The following CEP162 variants were observed in gnomAD, a reference collection of about 807,000 sequenced individuals.
CEP162 encodes centrosomal protein of 162 kDa.
Under a neutral mutation model 169.2 loss-of-function variants are expected in CEP162, and 141 were observed. The observed-to-expected ratio is 0.83, with a 90% CI of 0.73 to 0.96. CEP162 has a LOEUF of 0.96. Ranked by LOEUF, CEP162 falls within the 40% of genes least tolerant of loss-of-function variation. CEP162 has a pLI of 0.00. For missense variants in CEP162, 1,600 were observed against 1,587.2 expected (o/e 1.01, Z -0.14); for synonymous variants, 540 against 526.4 (o/e 1.03, Z -0.35).
chr6:84,155,625 T>C, intron 21 of CEP162, 115 bp from the exon 22 acceptor site: 1 of 682,198 alleles, frequency 1.5e-6, no homozygotes. Context: ...TATATACCAA[T>C]AACAATCTTG....
At chr6:84,178,807 C>G (rs558050179) in intron 13 of CEP162, among the ~76,000 whole-genome samples, 4 of 152,070 alleles carry the variant, frequency 2.6e-5, no homozygotes, top group African/African-American at 9.7e-5. Context: ...TATACCTCCC[C>G]GCTCCCCCCA....
At chr6:84,212,628 TGAAAA>T (rs1330595992) in intron 6 of CEP162, among the ~76,000 whole-genome samples, 1 of 151,584 alleles carries the variant, frequency 6.6e-6, no homozygotes, top group East Asian at 1.9e-4. Flanking sequence ...AACAAGAAGA[TGAAAA>T]GAAAACAAAT....
chr6:84,171,604 ACT>A lies in CEP162; in HGVS notation c.2279_2279+1del. ...GATTTTAAGAAGTTCAAAAGGACTT[ACT>A]TTAAGGAAGCTACCTCACTGAATAA... On this transcript the variant is annotated splice_donor_variant and coding_sequence_variant, in exon 17 of 27. Coordinates refer to ENST00000403245, the MANE Select transcript of CEP162 (RefSeq NM_014895.4). LOFTEE classifies it high-confidence loss of function. The A allele has an allele frequency of 7.6e-7, 1 of 1,324,344 alleles. No homozygotes were observed. Among genetic ancestry groups the A allele is most frequent in the South Asian group, 1.5e-5 (1 of 65,046 alleles). 82.0% of individuals were successfully genotyped at this position (1,324,344 alleles called of 1,614,324 possible).
chr6:84,178,929 C>A (rs985655593), intron 13 of CEP162, among the ~76,000 whole-genome samples: 9 of 152,098 alleles, frequency 5.9e-5, no homozygotes, highest in African/African-American at 1.7e-4. Context: ...TTTGTCCTTG[C>A]GATAGTTTGC....
chr6:84,175,348 C>T lies in CEP162; in HGVS notation c.1664-1G>A, dbSNP rs975225658. The stretch of plus-strand genomic sequence containing the variant: ...ATGAGTTTTGTTCCAGATAAGATTT[C>T]TAAATATTATAAACAATGTATAAAT... On this transcript the variant is annotated splice_acceptor_variant, in intron 13 of 26. Coordinates refer to ENST00000403245, the MANE Select transcript of CEP162 (RefSeq NM_014895.4). LOFTEE classifies it high-confidence loss of function. The T allele has an allele frequency of 1.4e-5, 22 of 1,532,288 alleles. No homozygotes were observed. Among genetic ancestry groups the T allele is most frequent in the Non-Finnish European group, 1.8e-5 (21 of 1,135,898 alleles). 94.9% of individuals were successfully genotyped at this position (1,532,288 alleles called of 1,614,324 possible).
intron 3 of CEP162, among the ~76,000 whole-genome samples, chr6:84,220,191 T>C (rs891885620): frequency 6.6e-6 from 1 of 152,152 alleles, no homozygotes; most frequent in Non-Finnish European, 1.5e-5. Context: ...CAAAAGCCCA[T>C]ATGTATATTT....
intron 26 of CEP162, 102 bp downstream of exon 26, chr6:84,126,276 C>T (rs2099508903): frequency 1.1e-5 from 8 of 739,558 alleles, no homozygotes; most frequent in Admixed American, 3.9e-5. Context: ...ACACTGGAAA[C>T]ACTTTAAGTG....
chr6:84,208,307 A>C (rs1157466808), intron 6 of CEP162, among the ~76,000 whole-genome samples: 2 of 152,216 alleles, frequency 1.3e-5, no homozygotes, highest in South Asian at 4.1e-4. Flanking sequence ...ACTTGCTCAC[A>C]GTATTAATTT....
chr6:84,154,326 A>ATCTG (rs201436483), intron 22 of CEP162, among the ~76,000 whole-genome samples: 2,724 of 147,812 alleles, frequency 0.018, 77 homozygotes, highest in African/African-American at 0.067. Flanking sequence ...CTATCTATCT[A>ATCTG]TCTATCTGTC....
At position 84,157,257 on chromosome 6, in the gene CEP162, C is replaced by T. The variant is rs529609238; in HGVS notation, c.2782-1747G>A. ...GCATGTCTCCAGATTGAATCGAATG[C>T]ACAGAAGCACAAATTAATTTCACAT... On this transcript the variant is annotated intron_variant, in intron 21 of 26. Coordinates refer to ENST00000403245, the MANE Select transcript of CEP162 (RefSeq NM_014895.4). Among the ~76,000 whole-genome samples, 24 of 152,256 alleles carry T rather than the reference C, an allele frequency of 1.6e-4. No individual in the cohort carries two copies. The East Asian group carries it at 4.4e-3, about 28-fold the overall frequency.
At chr6:84,190,950 G>C (rs2099539628) in intron 11 of CEP162, among the ~76,000 whole-genome samples, 2 of 152,110 alleles carry the variant, frequency 1.3e-5, no homozygotes, top group African/African-American at 4.8e-5. Context: ...CAAAGTGCTG[G>C]GATTACAGGC....
intron 11 of CEP162, among the ~76,000 whole-genome samples, chr6:84,191,112 A>C (rs2099539702): frequency 6.6e-6 from 1 of 152,198 alleles, no homozygotes; most frequent in Non-Finnish European, 1.5e-5. Flanking sequence ...TTAAGTTACG[A>C]AACTTTCTGA....
At chr6:84,213,093 T>C (rs977363926) in intron 5 of CEP162, 69 bp from the exon 6 acceptor site, 4 of 940,840 alleles carry the variant, frequency 4.3e-6, no homozygotes, top group South Asian at 1.7e-5. Flanking sequence ...TCTTTCTGTA[T>C]ACCGTTTTAA....
chr6:84,160,135 T>A (rs572939106), intron 21 of CEP162, among the ~76,000 whole-genome samples: 1 of 152,178 alleles, frequency 6.6e-6, no homozygotes, highest in East Asian at 1.9e-4. Flanking sequence ...TGTTCCCTTA[T>A]GAACAAGGCT....
intron 3 of CEP162, chr6:84,217,767 CCAATAATTAGA>C (rs1231280444): frequency 6.6e-6 from 1 of 151,950 alleles, no homozygotes; most frequent in Admixed American, 6.6e-5. Context: ...AATGTAGTCA[CCAATAATTAGA>C]CAAGAGAATT....
intron 14 of CEP162, 67 bp downstream of exon 14, chr6:84,175,147 T>C: frequency 3.8e-6 from 4 of 1,063,374 alleles, no homozygotes; most frequent in Non-Finnish European, 5.3e-6. Flanking sequence ...TATTTTGTTA[T>C]ATATAATTTA....
rs146184907 is a variant in CEP162, at chr6:84,200,876, C to T, written c.748G>A (p.Ala250Thr). 4 of 1,609,174 alleles carry T rather than the reference C, an allele frequency of 2.5e-6. No homozygotes were observed. Among genetic ancestry groups the T allele is most frequent in the African/African-American group, 1.3e-5 (1 of 74,792 alleles). ...VVLLDSLDSV[A>T]EVNLDEQDKI... ...TCTTGTTCATCAAGATTGACCTCTGCAACAGAGTCTAATGAATCAAGCAGC... is the reference window on the plus strand; with the variant it reads ...TCTTGTTCATCAAGATTGACCTCTGTAACAGAGTCTAATGAATCAAGCAGC... Residue 250 changes from alanine to threonine, a missense_variant, in exon 9 of 27, where the codon GCA becomes ACA. Coordinates refer to ENST00000403245, the MANE Select transcript of CEP162 (RefSeq NM_014895.4).
At chr6:84,198,970 A>G (rs549075839) in intron 9 of CEP162, among the ~76,000 whole-genome samples, 2 of 152,312 alleles carry the variant, frequency 1.3e-5, no homozygotes, top group South Asian at 4.1e-4. Flanking sequence ...GACATTATGT[A>G]ATTATAATAT....
At chr6:84,197,369 T>C (rs1178689273) in intron 9 of CEP162, among the ~76,000 whole-genome samples, 2 of 152,142 alleles carry the variant, frequency 1.3e-5, no homozygotes, top group South Asian at 2.1e-4. Flanking sequence ...GTAACTTTTT[T>C]CCATGCATAT....
Sources: allele counts gnomAD v4.1 joint callset (sites outside exome capture counted in the v4.1 genomes callset), GRCh38; gene constraint gnomAD v4.1.1; transcripts MANE v1.5; gene names NCBI Gene and HGNC (gene_info 2026-07-23, HGNC 2026-07-21).